The following PREP variants were observed in gnomAD, a reference collection of about 807,000 sequenced individuals.
PREP encodes prolyl endopeptidase.
Under a neutral mutation model 87.6 loss-of-function variants are expected in PREP, and 29 were observed. That is an observed-to-expected ratio of 0.33 (90% CI 0.25 to 0.45). The LOEUF (loss-of-function observed/expected upper bound fraction) is 0.45, where lower values mean the gene tolerates loss of function less well. PREP is among the 20% of genes least tolerant of loss of function. The probability of loss-of-function intolerance (pLI) is 1.00; values close to 1 mark genes in which losing one functional copy is unlikely to be tolerated. For missense variants in PREP, 695 were observed against 886.5 expected (o/e 0.78, Z 2.74); for synonymous variants, 337 against 328.6 (o/e 1.03, Z -0.28).
rs149858250 is a variant in PREP, at chr6:105,353,062, G to A, written c.733C>T (p.Arg245Cys). 55 of 1,612,894 alleles carry A rather than the reference G, an allele frequency of 3.4e-5. No homozygotes were observed. Among genetic ancestry groups the A allele is most frequent in the Middle Eastern group, 3.3e-4 (2 of 6,080 alleles). The change falls in exon 7 of 15, where the codon CGC (arginine) becomes TGC (cysteine). Residue 245 changes from arginine (R) to cysteine (C), a missense_variant. Arg to Cys is a radical substitution (Grantham distance 180, BLOSUM62 -3). Coordinates refer to ENST00000652536, the MANE Select transcript of PREP (RefSeq NM_002726.5). ...MGGAELSDDG[R>C]YVLLSIREGC... ...TCCCTTATTGATAACAAGACATAGC[G>A]GCCATCATCAGATAACTAAAAAAGA...
rs554073010 is a variant in PREP, at chr6:105,362,385, C to G, written c.717+6518G>C. On this transcript the variant is annotated intron_variant, in intron 6 of 14. Transcript: ENST00000652536. ...CTGAGGGACGAGAATCGCTTGAACC[C>G]AGGAGATGGAGGTCGCAGGGAGCCA... Among the ~76,000 whole-genome samples, 49 of 152,314 alleles carry G rather than the reference C, an allele frequency of 3.2e-4. 1 individual carries two copies. The South Asian group carries it at 8.5e-3, about 26-fold the overall frequency.
At chr6:105,351,793 T>C (rs73514098) in intron 7 of PREP, among the ~76,000 whole-genome samples, 7,046 of 152,292 alleles carry the variant, frequency 0.046, 407 homozygotes, top group East Asian at 0.17. Context: ...TGGTTTGCCC[T>C]GACAGAGAAT....
At chr6:105,353,934 G>T (rs114923464) in intron 6 of PREP, among the ~76,000 whole-genome samples, 84 of 152,240 alleles carry the variant, frequency 5.5e-4, no homozygotes, top group African/African-American at 1.9e-3. Context: ...TAGGCTCAGA[G>T]ACTTTCCTTG....
intron 10 of PREP, among the ~76,000 whole-genome samples, chr6:105,315,022 T>C (rs1770831980): frequency 6.6e-6 from 1 of 152,172 alleles, no homozygotes; most frequent in Admixed American, 6.5e-5. Flanking sequence ...CAGTAAATAT[T>C]TGGAAAGGAA....
At chr6:105,351,976 T>C (rs574510281) in intron 7 of PREP, among the ~76,000 whole-genome samples, 10 of 152,206 alleles carry the variant, frequency 6.6e-5, no homozygotes, top group Non-Finnish European at 1.2e-4. Context: ...TAGTATCTAA[T>C]GTTAGGATGC....
chr6:105,297,444 C>T (rs932396989), intron 10 of PREP, among the ~76,000 whole-genome samples: 1 of 152,190 alleles, frequency 6.6e-6, no homozygotes, highest in Non-Finnish European at 1.5e-5. Flanking sequence ...CTTAAATGCA[C>T]GTGTTGTTTC....
chr6:105,304,153 A>G (rs1770605760), intron 10 of PREP, among the ~76,000 whole-genome samples: 2 of 152,368 alleles, frequency 1.3e-5, no homozygotes, highest in East Asian at 3.9e-4. Flanking sequence ...ACAATAAAAA[A>G]TTTAAAGAAC....
chr6:105,377,199 T>C (rs1772707332), intron 3 of PREP, among the ~76,000 whole-genome samples, 187 bp downstream of exon 3: 1 of 152,208 alleles, frequency 6.6e-6, no homozygotes. Context: ...ATTTCTTAAC[T>C]ATTATTTTAA....
At chr6:105,361,443 T>A (rs1318007822) in intron 6 of PREP, among the ~76,000 whole-genome samples, 1 of 152,194 alleles carries the variant, frequency 6.6e-6, no homozygotes, top group Non-Finnish European at 1.5e-5. Context: ...AGTATAATTT[T>A]TTTCTCTTAG....
In PREP at chr6:105,402,930, G is replaced by C; in HGVS notation, c.-39C>G. 1 of 1,297,218 alleles carries C rather than the reference G, an allele frequency of 7.7e-7. No individual in the cohort carries two copies. Among genetic ancestry groups the C allele is most frequent in the Non-Finnish European group, 1.1e-6 (1 of 952,158 alleles). 80.4% of individuals were successfully genotyped at this position (1,297,218 alleles called of 1,614,324 possible). ...CAGGGGGCAGCGTGGAGGGGCGCGG[G>C]CTCCGGGAGCGGACCTGAGCTAGCC... On this transcript the variant is annotated 5_prime_UTR_variant, in exon 1 of 15. Transcript: ENST00000652536.
intron 9 of PREP, among the ~76,000 whole-genome samples, chr6:105,325,040 G>A (rs1232524800): frequency 6.6e-6 from 1 of 152,110 alleles, no homozygotes; most frequent in African/African-American, 2.4e-5. Flanking sequence ...CATTCTGTGA[G>A]CATGTATTCT....
intron 10 of PREP, among the ~76,000 whole-genome samples, chr6:105,311,740 G>A (rs188059201): frequency 1.3e-5 from 2 of 152,132 alleles, no homozygotes; most frequent in Admixed American, 6.6e-5. Context: ...ACAAACTGAC[G>A]GGATGAATGA....
At chr6:105,282,669 T>A in intron 12 of PREP, 87 bp from the exon 13 acceptor site, 1 of 1,440,602 alleles carries the variant, frequency 6.9e-7, no homozygotes, top group Non-Finnish European at 9.4e-7. Flanking sequence ...TAGAGCACGG[T>A]TTCAAATACT....
chr6:105,306,912 C>T (rs1770669055), intron 10 of PREP, among the ~76,000 whole-genome samples: 3 of 152,230 alleles, frequency 2.0e-5, no homozygotes, highest in Non-Finnish European at 4.4e-5. Flanking sequence ...TCCAACCAGG[C>T]TACTTGCTTA....
chr6:105,278,696 C>G lies in PREP; in HGVS notation c.1839-258G>C, dbSNP rs964569680. Among the ~76,000 whole-genome samples the G allele has an allele frequency of 2.0e-5, 3 of 151,964 alleles. No homozygotes were observed. Among genetic ancestry groups the G allele is most frequent in the Non-Finnish European group, 4.4e-5 (3 of 67,984 alleles). ...ACAGGTCTGTTGAAACAACCCAAAT[C>G]ACAGGCATGCTTACTGTCTCTTAAG... On this transcript the variant is annotated intron_variant, in intron 14 of 14. Transcript: ENST00000652536. The surrounding 1 kb of genome is among the most constrained non-coding windows in gnomAD (Gnocchi z 4.2).
At chr6:105,338,835 G>A (rs1318445950) in intron 7 of PREP, among the ~76,000 whole-genome samples, 1 of 152,236 alleles carries the variant, frequency 6.6e-6, no homozygotes, top group African/African-American at 2.4e-5. Context: ...AAGCGAGGCT[G>A]GGGAAGGGGC....
intron 10 of PREP, among the ~76,000 whole-genome samples, chr6:105,308,328 T>C (rs891529825): frequency 2.6e-5 from 4 of 152,178 alleles, no homozygotes; most frequent in Admixed American, 6.5e-5. Flanking sequence ...TACATGTCAG[T>C]AGAATTGCCT....
At chr6:105,380,765 G>A (rs763844485) in intron 2 of PREP, among the ~76,000 whole-genome samples, 14 of 152,238 alleles carry the variant, frequency 9.2e-5, no homozygotes, top group African/African-American at 2.9e-4. Context: ...GCACTTCCAC[G>A]GAGGGATTCT....
At chr6:105,279,171 A>T (rs1770016242) in intron 14 of PREP, 3 of 152,192 alleles carry the variant, frequency 2.0e-5, no homozygotes, top group Admixed American at 2.0e-4. Context: ...TTTTCTTTAC[A>T]TTCTCCTAAT....
Sources: gnomAD v4.1 joint callset for allele counts (sites outside exome capture counted in the v4.1 genomes callset) on GRCh38, gnomAD v4.1.1 for gene constraint, Gnocchi (gnomAD v3.1) non-coding constraint, MANE v1.5 for transcripts, NCBI Gene and HGNC (gene_info 2026-07-23, HGNC 2026-07-21) for gene names.